The following RMDN2 variants were observed in gnomAD, a reference collection of about 807,000 sequenced individuals.
The protein encoded by RMDN2 is regulator of microtubule dynamics protein 2.
RMDN2 carries 61 observed loss-of-function variants against 52.8 expected under a neutral mutation model. That is an observed-to-expected ratio of 1.16 (90% CI 0.94 to 1.43). The LOEUF (loss-of-function observed/expected upper bound fraction) is 1.43, where lower values mean the gene tolerates loss of function less well. Among genes scored for constraint, RMDN2 ranks in the 40% most tolerant of loss-of-function variants. RMDN2 has a pLI of 0.00. For missense variants in RMDN2, 592 were observed against 475.3 expected (o/e 1.25, Z -2.28); for synonymous variants, 180 against 153.1 (o/e 1.18, Z -1.30).
intron 2 of RMDN2, chr2:37,963,037 C>G (rs964862925): frequency 1.3e-5 from 2 of 153,076 alleles, no homozygotes; most frequent in Non-Finnish European, 2.9e-5. Flanking sequence ...CACCCACTGT[C>G]TAACCAGTCC....
intron 10 of RMDN2, among the ~76,000 whole-genome samples, chr2:38,052,489 T>C (rs1681661900): frequency 2.0e-5 from 3 of 152,240 alleles, no homozygotes; most frequent in Non-Finnish European, 2.9e-5. Context: ...CTTCATTCTG[T>C]TGATTGTTTC....
chr2:38,021,767 C>G (rs79796068), downstream of RMDN2, among the ~76,000 whole-genome samples: 1 of 152,128 alleles, frequency 6.6e-6, no homozygotes, highest in Non-Finnish European at 1.5e-5. Flanking sequence ...CAGGAGGAGG[C>G]GCTCAGGTGG....
At position 37,962,646 on chromosome 2, in the gene RMDN2, C is replaced by G. The variant is rs574685949; in HGVS notation, c.453-11394C>G. 4.0e-4 allele frequency among the ~76,000 whole-genome samples: 61 copies of G among 152,266 alleles called. No homozygotes were observed. The East Asian group carries it at 9.7e-3, about 24-fold the overall frequency. ...CTGGGCTCCATGGGGGTGGGATCCC[C>G]TGAGCAACAACACCTGACTCCCTGG... On this transcript the variant is annotated intron_variant, in intron 2 of 10. Transcript: ENST00000354545.
chr2:38,064,767 T>C lies in RMDN2; in HGVS notation c.1714-2215T>C, dbSNP rs559421636. The stretch of plus-strand genomic sequence containing the variant: ...TATTGAAAAATGAGGGTAGATGTCT[T>C]TTTCCTCGTTAAAAAAAAAAAATCT... On this transcript the variant is annotated intron_variant, in intron 10 of 10. Transcript: ENST00000234195. Among the ~76,000 whole-genome samples the C allele has an allele frequency of 3.6e-5, 5 of 140,806 alleles. No individual in the cohort carries two copies. In the South Asian group the frequency reaches 8.9e-4, roughly 25 times the overall value. The allele number at this position is 140,806 out of a possible 152,430, so 92.4% of individuals were successfully genotyped here. A position where few individuals can be genotyped will look rare whatever the true frequency, so the allele number is the denominator to read the frequency against.
chr2:37,934,146 A>G (rs973917569), intron 2 of RMDN2, among the ~76,000 whole-genome samples: 6 of 152,366 alleles, frequency 3.9e-5, no homozygotes, highest in Non-Finnish European at 8.8e-5. Context: ...TCTTTTCAAA[A>G]AATGGATATC....
In RMDN2 at chr2:37,929,744, G is replaced by C. The variant is rs555306537; in HGVS notation, c.452+15G>C. ...AGTGAAGGAGGGTAAGTTTCTTTAA[G>C]ATATTTCCTATGTTGAATTGGTTAT... On this transcript the variant is annotated intron_variant, in intron 2 of 10. Transcript: ENST00000354545. 6.8e-7 allele frequency: 1 copy of C among 1,461,250 alleles called. No homozygotes were observed. The highest frequency in any genetic ancestry group is 9.1e-7 in the Non-Finnish European group (1 of 1,099,638). 90.5% of individuals were successfully genotyped at this position (1,461,250 alleles called of 1,614,324 possible). A position where few individuals can be genotyped will look rare whatever the true frequency, so the allele number is the denominator to read the frequency against.
intron 10 of RMDN2, among the ~76,000 whole-genome samples, chr2:38,038,343 G>T (rs970244052): frequency 2.2e-4 from 33 of 152,156 alleles, no homozygotes; most frequent in African/African-American, 8.0e-4. Flanking sequence ...CTCCCTTGGG[G>T]TGTTTTTGGG....
At chr2:37,991,319 A>G (rs1674760061) in intron 7 of RMDN2, 22 bp downstream of exon 7, 2 of 1,254,558 alleles carry the variant, frequency 1.6e-6, no homozygotes, top group Non-Finnish European at 2.2e-6. Context: ...GCCTTTATTT[A>G]TAAACTTTAT....
Position 37,929,636 on chromosome 2 carries a change from T to TAAGC in RMDN2, c.360_363dup (p.Pro122LysfsTer21). On this transcript the variant is annotated frameshift_variant, in exon 2 of 11. Transcript: ENST00000354545. LOFTEE classifies it high-confidence loss of function. ...GGAGGGAAAATAACTGTTCATAAGA[T>TAAGC]AAGCCCTCAGCACAGAGCGAGAAAA... The TAAGC allele has an allele frequency of 6.4e-7, 1 of 1,551,640 alleles. No homozygotes were observed. The highest frequency in any genetic ancestry group is 2.4e-5 in the East Asian group (1 of 40,908).
chr2:38,010,484 C>G (rs773402309), intron 10 of RMDN2, among the ~76,000 whole-genome samples: 4 of 152,192 alleles, frequency 2.6e-5, no homozygotes, highest in African/African-American at 4.8e-5. Flanking sequence ...ATGAGCAAGG[C>G]TCCATGGGCA....
chr2:37,972,070 T>G (rs1245995488), intron 2 of RMDN2, among the ~76,000 whole-genome samples: 1 of 152,192 alleles, frequency 6.6e-6, no homozygotes, highest in East Asian at 1.9e-4. Context: ...CACATATCTT[T>G]TGTTAGATTT....
At chr2:38,010,150 C>G (rs747298420) in intron 10 of RMDN2, among the ~76,000 whole-genome samples, 3 of 152,186 alleles carry the variant, frequency 2.0e-5, no homozygotes, top group Non-Finnish European at 2.9e-5. Context: ...TTAGGCTACT[C>G]AGGGGTCAGG....
upstream of RMDN2, among the ~76,000 whole-genome samples, chr2:37,921,194 C>T (rs572872016): frequency 7.2e-5 from 11 of 152,200 alleles, no homozygotes; most frequent in South Asian, 2.3e-3. Context: ...ATTAGGCCAA[C>T]CATTTTATTG....
intron 2 of RMDN2, among the ~76,000 whole-genome samples, chr2:37,939,835 T>G (rs970223276): frequency 6.6e-6 from 1 of 152,210 alleles, no homozygotes; most frequent in East Asian, 1.9e-4. Context: ...GTCTTGACTC[T>G]TTATCCAATT....
intron 7 of RMDN2, among the ~76,000 whole-genome samples, chr2:37,997,174 G>C (rs1442510139): frequency 1.3e-5 from 2 of 152,166 alleles, no homozygotes; most frequent in African/African-American, 4.8e-5. Context: ...TTTGAAACCA[G>C]TGCTTCTGGA....
rs1672312726 is a variant in RMDN2, at chr2:37,975,234, T to C, written c.650T>C (p.Met217Thr). The C allele has an allele frequency of 6.2e-7, 1 of 1,606,422 alleles. No individual in the cohort carries two copies. The highest frequency in any genetic ancestry group is 1.3e-5 in the African/African-American group (1 of 74,808). Reference protein sequence around the residue: ...KEKFRDEIEFMWRFARAYGDM... With the variant: ...KEKFRDEIEFTWRFARAYGDM... ...CAGTTTAGAGATGAAATAGAGTTTA[T>C]GTGGCGATTTGCTCGTGCTTATGGA... The change falls in exon 4 of 11, where the codon ATG (methionine) becomes ACG (threonine). Residue 217 changes from methionine to threonine, a missense_variant. By Grantham distance (81) the Met-to-Thr change is moderately conservative (BLOSUM62 -1). Coordinates refer to ENST00000354545, the MANE Select transcript of RMDN2 (RefSeq NM_001170791.3).
chr2:38,029,852 C>T (rs1322552194), intron 10 of RMDN2: 3 of 152,214 alleles, frequency 2.0e-5, no homozygotes, highest in African/African-American at 4.8e-5. Context: ...TTAATGGACT[C>T]ACAGTTCCAC....
intron 10 of RMDN2, among the ~76,000 whole-genome samples, chr2:38,038,732 G>T (rs1277668549): frequency 6.6e-6 from 1 of 152,156 alleles, no homozygotes; most frequent in Non-Finnish European, 1.5e-5. Context: ...TGATTACACT[G>T]GGTGCTTCTC....
At position 37,936,494 on chromosome 2, in the gene RMDN2, A is replaced by T. The variant is rs536358803; in HGVS notation, c.452+6765A>T. On this transcript the variant is annotated intron_variant, in intron 2 of 10. Coordinates refer to ENST00000354545, the MANE Select transcript of RMDN2 (RefSeq NM_001170791.3). ...ACTGTCTTCCAAAATGGTTAAACTA[A>T]TTTACACTCCCACCAACAGTGTAAA... Among the ~76,000 whole-genome samples, 290 of 152,254 alleles carry T rather than the reference A, an allele frequency of 1.9e-3. 1 individual carries two copies. The highest frequency in any genetic ancestry group is 2.7e-3 in the Non-Finnish European group (181 of 68,020).
Sources: allele counts gnomAD v4.1 joint callset (sites outside exome capture counted in the v4.1 genomes callset), GRCh38; gene constraint gnomAD v4.1.1; transcripts MANE v1.5; gene names NCBI Gene and HGNC (gene_info 2026-07-23, HGNC 2026-07-21).